Variants in PRKCH observed in about 807,000 individuals in gnomAD.
The protein encoded by PRKCH is protein kinase C eta, also known as protein kinase C eta type.
PRKCH carries 28 observed loss-of-function variants against 82.5 expected under a neutral mutation model. That is an observed-to-expected ratio of 0.34 (90% CI 0.25 to 0.47). The LOEUF is 0.47. PRKCH is among the 20% of genes least tolerant of loss of function. PRKCH has a pLI of 1.00. For synonymous variants in PRKCH, 322 were observed against 327.4 expected, an observed-to-expected ratio of 0.98 and a Z score of 0.18; for missense variants, 705 against 881.8, an observed-to-expected ratio of 0.80 and a Z score of 2.54.
At chr14:61,472,896 C>T (rs1885566948) in intron 9 of PRKCH, among the ~76,000 whole-genome samples, 1 of 152,194 alleles carries the variant, frequency 6.6e-6, no homozygotes, top group Non-Finnish European at 1.5e-5. Context: ...ATGGAGCATG[C>T]ATTATGTGCC....
intron 9 of PRKCH, among the ~76,000 whole-genome samples, chr14:61,473,909 G>A (rs368310630): frequency 2.0e-4 from 30 of 151,842 alleles, no homozygotes; most frequent in African/African-American, 7.0e-4. Context: ...AGGGAGAATC[G>A]CTTGCACCCG....
chr14:61,295,937 G>A (rs555728797), intron 1 of PRKCH, among the ~76,000 whole-genome samples: 1 of 151,978 alleles, frequency 6.6e-6, no homozygotes, highest in South Asian at 2.1e-4. Flanking sequence ...TAGAATTCAG[G>A]TAAGCCTGGA....
At position 61,354,492 on chromosome 14, in the gene PRKCH, C is replaced by T. The variant is rs575040175; in HGVS notation, c.363+32028C>T. 5.3e-5 allele frequency among the ~76,000 whole-genome samples: 8 copies of T among 151,172 alleles called. No individual in the cohort carries two copies. The East Asian group carries it at 1.6e-3, about 29-fold the overall frequency. ...TGTTTCTTTTTCTTTTCCTTTTTTT[C>T]CCCCTATATTTAGGGGTTGTTTTCT... On this transcript the variant is annotated intron_variant, in intron 1 of 13. Transcript: ENST00000332981.
chr14:61,497,342 A>T (rs1566914039), intron 10 of PRKCH, among the ~76,000 whole-genome samples: 1 of 152,128 alleles, frequency 6.6e-6, no homozygotes, highest in Non-Finnish European at 1.5e-5. Context: ...TGGTTGTTAG[A>T]ATTAAATTTG....
intron 1 of PRKCH, among the ~76,000 whole-genome samples, chr14:61,246,245 G>GAA (rs59852160): frequency 0.056 from 7,072 of 125,876 alleles, 268 homozygotes; most frequent in East Asian, 0.17. Flanking sequence ...ATCTCTACTG[G>GAA]AAAAAAAAAA....
At chr14:61,391,936 A>C (rs970970527) in intron 2 of PRKCH, among the ~76,000 whole-genome samples, 2 of 152,180 alleles carry the variant, frequency 1.3e-5, no homozygotes, top group African/African-American at 2.4e-5. Flanking sequence ...TCCCAGAGGC[A>C]ATAAGTAAAG....
At chr14:61,435,034 C>T (rs1243502571) in intron 2 of PRKCH, among the ~76,000 whole-genome samples, 1 of 152,146 alleles carries the variant, frequency 6.6e-6, no homozygotes, top group African/African-American at 2.4e-5. Context: ...CCTCCCACCC[C>T]TGAAGCAGCC....
intron 10 of PRKCH, among the ~76,000 whole-genome samples, chr14:61,527,114 G>A (rs1269833265): frequency 3.3e-5 from 5 of 152,194 alleles, no homozygotes; most frequent in Admixed American, 2.0e-4. Flanking sequence ...AGAGAGCACT[G>A]CCTTTTATTT....
At chr14:61,273,879 T>C (rs1016943146) in intron 1 of PRKCH, among the ~76,000 whole-genome samples, 4 of 152,188 alleles carry the variant, frequency 2.6e-5, no homozygotes, top group Admixed American at 6.5e-5. Context: ...AATGGAGTCA[T>C]TGGTTTCCTA....
At chr14:61,362,696 A>G (rs377430187) in intron 1 of PRKCH, among the ~76,000 whole-genome samples, 2 of 152,210 alleles carry the variant, frequency 1.3e-5, no homozygotes, top group East Asian at 1.9e-4. Flanking sequence ...CCTAATGCCT[A>G]TATTGCTCAG....
chr14:61,224,456 T>C (rs1236886212), intron 1 of PRKCH, among the ~76,000 whole-genome samples: 1 of 152,212 alleles, frequency 6.6e-6, no homozygotes, highest in Non-Finnish European at 1.5e-5. Context: ...AGATCATGCA[T>C]TGGTTGTCTT....
chr14:61,262,079 G>C (rs1052670273), intron 1 of PRKCH, among the ~76,000 whole-genome samples: 44 of 151,832 alleles, frequency 2.9e-4, no homozygotes, highest in African/African-American at 1.0e-3. Flanking sequence ...AAATTAGCTG[G>C]GCGTAGTGGT....
intron 1 of PRKCH, among the ~76,000 whole-genome samples, chr14:61,242,332 G>A (rs1477973155): frequency 6.6e-6 from 1 of 152,166 alleles, no homozygotes; most frequent in Non-Finnish European, 1.5e-5. Context: ...TACATTTTAA[G>A]AAAACTCTTC....
chr14:61,433,271 C>T (rs555879954), intron 2 of PRKCH, among the ~76,000 whole-genome samples: 57 of 152,196 alleles, frequency 3.7e-4, no homozygotes, highest in East Asian at 1.9e-3. Context: ...CGGCAGCATA[C>T]TCCTCATGGC....
Position 61,363,074 on chromosome 14 carries a change from A to G in PRKCH, c.364-28151A>G, listed in dbSNP as rs556881494. The stretch of plus-strand genomic sequence containing the variant: ...AGGCATTGTAGGCTAAGGGAACAGC[A>G]TGAGTGTCAGTGCATTAAACAGTCT... On this transcript the variant is annotated intron_variant, in intron 1 of 13. Transcript: ENST00000332981. Among the ~76,000 whole-genome samples the G allele has an allele frequency of 2.6e-5, 4 of 152,332 alleles. No homozygotes were observed. The South Asian group carries it at 8.3e-4, about 32-fold the overall frequency.
At chr14:61,348,409 C>T (rs1345602126) in intron 1 of PRKCH, among the ~76,000 whole-genome samples, 1 of 152,156 alleles carries the variant, frequency 6.6e-6, no homozygotes, top group East Asian at 1.9e-4. Flanking sequence ...GGTGGTCTGG[C>T]AAAACTGACA....
chr14:61,433,946 C>T (rs925721488), intron 2 of PRKCH, among the ~76,000 whole-genome samples: 5 of 152,126 alleles, frequency 3.3e-5, no homozygotes, highest in Admixed American at 3.3e-4. Context: ...TTACATTTTC[C>T]ATAGTGATCA....
At position 61,453,222 on chromosome 14, in the gene PRKCH, C is replaced by T; in HGVS notation, c.833-4C>T. The T allele has an allele frequency of 6.2e-7, 1 of 1,614,170 alleles. No individual in the cohort carries two copies. The highest frequency in any genetic ancestry group is 8.5e-7 in the Non-Finnish European group (1 of 1,179,998). ...CATGGATTCTGTTTTCCTTTTCCCT[C>T]TAGTATGTAAAATGAATGTGCATAT... On this transcript the variant is annotated splice_polypyrimidine_tract_variant and splice_region_variant and intron_variant, in intron 6 of 13. Transcript: ENST00000332981.
intron 1 of PRKCH, among the ~76,000 whole-genome samples, chr14:61,209,231 A>AT (rs888027001): frequency 1.3e-5 from 2 of 150,908 alleles, no homozygotes; most frequent in East Asian, 2.0e-4. Context: ...TAAGAAATGA[A>AT]TTTTTTTTCT....
Sources: gnomAD v4.1 joint callset for allele counts (sites outside exome capture counted in the v4.1 genomes callset) on GRCh38, gnomAD v4.1.1 for gene constraint, MANE v1.5 for transcripts, NCBI Gene and HGNC (gene_info 2026-07-23, HGNC 2026-07-21) for gene names.